Variants in KCTD16 observed in about 807,000 individuals in gnomAD.
KCTD16 encodes the protein potassium channel tetramerization domain containing 16.
KCTD16 carries 13 observed loss-of-function variants against 33.2 expected under a neutral mutation model. The ratio of observed to expected loss-of-function variants is 0.39; its 90% CI spans 0.25 to 0.62. The LOEUF is 0.62. KCTD16 is among the 20% of genes least tolerant of loss of function. The pLI is 0.50. For synonymous variants in KCTD16, 197 were observed against 195.3 expected (o/e 1.01, Z -0.07); for missense variants, 441 against 525.1 (o/e 0.84, Z 1.57).
At chr5:144,353,418 C>G (rs1751492114) in intron 3 of KCTD16, among the ~76,000 whole-genome samples, 1 of 152,154 alleles carries the variant, frequency 6.6e-6, no homozygotes, top group Non-Finnish European at 1.5e-5. Flanking sequence ...AGAGATGGGT[C>G]AGATTCCTAC....
At chr5:144,363,990 G>A (rs1751776015) in intron 3 of KCTD16, among the ~76,000 whole-genome samples, 1 of 151,808 alleles carries the variant, frequency 6.6e-6, no homozygotes, top group Non-Finnish European at 1.5e-5. Context: ...ATTCAATTCA[G>A]TTTTTTTTGT....
intron 3 of KCTD16, among the ~76,000 whole-genome samples, chr5:144,387,653 G>A (rs769979467): frequency 6.6e-6 from 1 of 152,216 alleles, no homozygotes; most frequent in Admixed American, 6.5e-5. Context: ...TCTCTATTGA[G>A]ATCTGAGGGA....
intron 3 of KCTD16, among the ~76,000 whole-genome samples, chr5:144,321,227 A>C (rs1752066109): frequency 6.7e-6 from 1 of 149,228 alleles, no homozygotes; most frequent in South Asian, 2.1e-4. Flanking sequence ...TAATTATTAA[A>C]ACTGTAAGGT....
At chr5:144,225,933 A>C (rs942204119) in intron 3 of KCTD16, among the ~76,000 whole-genome samples, 4 of 152,344 alleles carry the variant, frequency 2.6e-5, no homozygotes, top group South Asian at 2.1e-4. Context: ...TGCAACCAAA[A>C]AACTAGAAAG....
intron 3 of KCTD16, among the ~76,000 whole-genome samples, chr5:144,219,124 G>A (rs952279940): frequency 1.3e-5 from 2 of 152,156 alleles, no homozygotes; most frequent in African/African-American, 2.4e-5. Context: ...TCATGGCAGC[G>A]TTGTGAGAAC....
rs889223820 is a variant in KCTD16 at position 144,450,021 on chromosome 5, G to T, written c.833-23639G>T. Among the ~76,000 whole-genome samples the T allele has an allele frequency of 2.0e-5, 3 of 151,986 alleles. No homozygotes were observed. In the South Asian group the frequency reaches 6.2e-4, roughly 31 times the overall value. The stretch of plus-strand genomic sequence containing the variant: ...CAGAGTGAAAAGGCAACCTAAAAAT[G>T]AGAGAAAATATTTGAAAAACTCATT... On this transcript the variant is annotated intron_variant, in intron 3 of 3. Coordinates refer to ENST00000512467, the MANE Select transcript of KCTD16 (RefSeq NM_020768.4).
chr5:144,471,023 C>A (rs758678730), intron 3 of KCTD16, among the ~76,000 whole-genome samples: 2 of 151,980 alleles, frequency 1.3e-5, no homozygotes, highest in Non-Finnish European at 1.5e-5. Flanking sequence ...ACTGAACATA[C>A]CAAAAAATTA....
intron 2 of KCTD16, among the ~76,000 whole-genome samples, chr5:144,194,680 A>G (rs1752908403): frequency 6.6e-6 from 1 of 152,220 alleles, no homozygotes; most frequent in African/African-American, 2.4e-5. Context: ...CTGTATGGGA[A>G]GTACAATTAT....
chr5:144,289,833 T>C (rs1219717251), intron 3 of KCTD16, among the ~76,000 whole-genome samples: 1 of 151,450 alleles, frequency 6.6e-6, no homozygotes, highest in Non-Finnish European at 1.5e-5. Context: ...ATAAGCAAAA[T>C]ATTATAAATT....
At chr5:144,288,081 A>T (rs769278959) in intron 3 of KCTD16, among the ~76,000 whole-genome samples, 24 of 152,290 alleles carry the variant, frequency 1.6e-4, no homozygotes, top group Non-Finnish European at 2.9e-4. Context: ...CACTCTACAG[A>T]TTCTGGCTTC....
chr5:144,468,282 A>G (rs904686417), intron 3 of KCTD16, among the ~76,000 whole-genome samples: 1 of 152,130 alleles, frequency 6.6e-6, no homozygotes, highest in Non-Finnish European at 1.5e-5. Flanking sequence ...CTTCACTGTT[A>G]CCTGTTTGCA....
In KCTD16 at chr5:144,476,002, A is replaced by G. The variant is rs1369750934; in HGVS notation, c.*1888A>G. 1 of 152,212 alleles carries G rather than the reference A, an allele frequency of 6.6e-6. No homozygotes were observed. Among genetic ancestry groups the G allele is most frequent in the Non-Finnish European group, 1.5e-5 (1 of 68,030 alleles). 9.4% of individuals were successfully genotyped at this position (152,212 alleles called of 1,614,324 possible). ...AAGAGAATTATAATTTATGAATTTAAGTGGTATTCTTTTCTGTATTAATAT... is the reference window on the plus strand; with the variant it reads ...AAGAGAATTATAATTTATGAATTTAGGTGGTATTCTTTTCTGTATTAATAT... On this transcript the variant is annotated 3_prime_UTR_variant, in exon 4 of 4. Transcript: ENST00000512467.
intron 3 of KCTD16, among the ~76,000 whole-genome samples, chr5:144,441,720 T>C (rs1364423618): frequency 3.3e-5 from 5 of 151,998 alleles, no homozygotes; most frequent in African/African-American, 1.2e-4. Context: ...TTGATTATAG[T>C]AGTAGCTTTG....
Position 144,479,150 on chromosome 5 carries a change from G to A in KCTD16, c.*5036G>A, listed in dbSNP as rs1754653595. On this transcript the variant is annotated 3_prime_UTR_variant, in exon 4 of 4. Transcript: ENST00000512467. ...ATTTAATGGTGTATATGGCCCCAAA[G>A]GTGATTCCATTAACTGCACATAAAA... 1 of 151,770 alleles carries A rather than the reference G, an allele frequency of 6.6e-6. No individual in the cohort carries two copies. The highest frequency in any genetic ancestry group is 1.5e-5 in the Non-Finnish European group (1 of 67,878). The allele number at this position is 151,770 out of a possible 1,614,324, so 9.4% of individuals were successfully genotyped here.
chr5:144,404,261 C>A (rs1442088877), intron 3 of KCTD16, among the ~76,000 whole-genome samples: 1 of 152,158 alleles, frequency 6.6e-6, no homozygotes, highest in African/African-American at 2.4e-5. Flanking sequence ...TCCCTATGAA[C>A]TGACTTGGAA....
chr5:144,194,545 A>G (rs1752905478), intron 2 of KCTD16, among the ~76,000 whole-genome samples: 1 of 152,220 alleles, frequency 6.6e-6, no homozygotes, highest in African/African-American at 2.4e-5. Context: ...GAGAGAATTC[A>G]TTTTTAAAAA....
intron 3 of KCTD16, among the ~76,000 whole-genome samples, chr5:144,402,345 G>T (rs139957187): frequency 6.6e-6 from 1 of 152,136 alleles, no homozygotes; most frequent in African/African-American, 2.4e-5. Context: ...AGCAATGATC[G>T]CTTCCTTTGT....
intron 3 of KCTD16, among the ~76,000 whole-genome samples, chr5:144,434,521 G>T (rs1181807451): frequency 6.6e-6 from 1 of 151,970 alleles, no homozygotes; most frequent in African/African-American, 2.4e-5. Context: ...AGGCTCCATT[G>T]GTTCTGTGCT....
intron 3 of KCTD16, among the ~76,000 whole-genome samples, chr5:144,214,913 G>T (rs987285922): frequency 6.6e-6 from 1 of 152,116 alleles, no homozygotes; most frequent in African/African-American, 2.4e-5. Context: ...TGGAACAAAT[G>T]TAGGTATAGT....
Sources: allele counts gnomAD v4.1 joint callset (sites outside exome capture counted in the v4.1 genomes callset), GRCh38; gene constraint gnomAD v4.1.1; transcripts MANE v1.5; gene names NCBI Gene and HGNC (gene_info 2026-07-23, HGNC 2026-07-21).